KHDRBS2: variants seen among roughly 807,000 people sequenced by gnomAD.
KHDRBS2 encodes KH domain-containing, RNA-binding, signal transduction-associated protein 2.
KHDRBS2 carries 26 observed loss-of-function variants against 44.3 expected under a neutral mutation model. The observed-to-expected ratio is 0.59, with a 90% CI of 0.43 to 0.81. The LOEUF (loss-of-function observed/expected upper bound fraction) is 0.81. KHDRBS2 is among the 40% of genes least tolerant of loss of function. The pLI, the probability that KHDRBS2 is intolerant of heterozygous loss-of-function variation, is 0.00. For missense variants in KHDRBS2, 476 were observed against 433.1 expected (o/e 1.10, Z -0.88); for synonymous variants, 194 against 151.1 (o/e 1.28, Z -2.08).
At position 61,846,099 on chromosome 6, in the gene KHDRBS2, A is replaced by G. The variant is rs186090754; in HGVS notation, c.810+48536T>C. ...CATTTGGCCTTCCGCCCTGAGTAAA[A>G]GCTCCCTGAGGATTCCCCAAGAGCA... On this transcript the variant is annotated intron_variant, in intron 6 of 8. Transcript: ENST00000281156. Among the ~76,000 whole-genome samples the G allele has an allele frequency of 4.2e-3, 635 of 152,216 alleles. 8 individuals carry two copies. Among genetic ancestry groups the G allele is most frequent in the African/African-American group, 0.015 (610 of 41,530 alleles).
chr6:62,057,003 A>C (rs1017612945), intron 2 of KHDRBS2, among the ~76,000 whole-genome samples: 5 of 151,986 alleles, frequency 3.3e-5, no homozygotes, highest in Admixed American at 1.3e-4. Context: ...AAATTCTTTT[A>C]CACACTCTGT....
chr6:61,631,103 C>G, the KHDRBS2 span, among the ~76,000 whole-genome samples: 15 of 152,026 alleles, frequency 9.9e-5, no homozygotes, highest in East Asian at 2.1e-3. Context: ...CAGCCATTTA[C>G]TAGAAGAGAC....
chr6:61,583,389 G>A, the KHDRBS2 span, among the ~76,000 whole-genome samples: 1 of 151,654 alleles, frequency 6.6e-6, no homozygotes, highest in Non-Finnish European at 1.5e-5. Context: ...TGGACCTCTA[G>A]GATGTTTACA....
intron 4 of KHDRBS2, among the ~76,000 whole-genome samples, chr6:61,910,435 C>A (rs1805849438): frequency 6.6e-6 from 1 of 152,100 alleles, no homozygotes; most frequent in African/African-American, 2.4e-5. Context: ...ATCACAAAGT[C>A]AAAATGTTGT....
At chr6:61,929,679 C>T (rs1352660480) in intron 4 of KHDRBS2, among the ~76,000 whole-genome samples, 1 of 152,004 alleles carries the variant, frequency 6.6e-6, no homozygotes, top group Non-Finnish European at 1.5e-5. Context: ...TTATTAAGTT[C>T]CTGAAATATA....
chr6:62,120,149 T>C (rs1008260468), intron 2 of KHDRBS2, among the ~76,000 whole-genome samples: 3 of 152,216 alleles, frequency 2.0e-5, no homozygotes, highest in Admixed American at 6.5e-5. Flanking sequence ...AAAAAGGTTC[T>C]AATAGTTTAT....
chr6:62,054,623 T>C (rs576105615), intron 2 of KHDRBS2, among the ~76,000 whole-genome samples: 14 of 152,074 alleles, frequency 9.2e-5, no homozygotes, highest in South Asian at 8.3e-4. Flanking sequence ...GTGATGGCAA[T>C]AGCATGGGCT....
chr6:62,068,117 G>T (rs911074267), intron 2 of KHDRBS2, among the ~76,000 whole-genome samples: 39 of 151,486 alleles, frequency 2.6e-4, no homozygotes, highest in African/African-American at 8.9e-4. Context: ...GCATCCAATT[G>T]TTTTCCAAAG....
the KHDRBS2 span, among the ~76,000 whole-genome samples, chr6:61,587,428 C>G: frequency 6.6e-6 from 1 of 151,950 alleles, no homozygotes; most frequent in African/African-American, 2.4e-5. Flanking sequence ...AGCACATTTC[C>G]AGACCAACAG....
the KHDRBS2 span, among the ~76,000 whole-genome samples, chr6:61,654,979 G>A: frequency 6.6e-6 from 1 of 151,716 alleles, no homozygotes; most frequent in African/African-American, 2.4e-5. Context: ...ATCCTCATTG[G>A]CAGAAGCCAG....
At chr6:61,974,940 AT>A (rs1772234060) in intron 4 of KHDRBS2, among the ~76,000 whole-genome samples, 1 of 81,514 alleles carries the variant, frequency 1.2e-5, no homozygotes, top group African/African-American at 1.4e-4. Context: ...TAAAAAATAA[AT>A]AAATAAATAA....
Position 62,034,479 on chromosome 6 carries a change from G to C in KHDRBS2, c.336+13399C>G, listed in dbSNP as rs1403646005. Among the ~76,000 whole-genome samples the C allele has an allele frequency of 2.6e-5, 4 of 151,504 alleles. No individual in the cohort carries two copies. The Admixed American group carries it at 2.6e-4, about 10-fold the overall frequency. On this transcript the variant is annotated intron_variant, in intron 3 of 8. Transcript: ENST00000281156. ...TTAAAAAGATCATTCATCATGCAAGGATGGTTCAACACATGCAAATCAATC... is the reference window on the plus strand; with the variant it reads ...TTAAAAAGATCATTCATCATGCAAGCATGGTTCAACACATGCAAATCAATC...
At chr6:61,820,946 A>C (rs1360239624) in intron 6 of KHDRBS2, among the ~76,000 whole-genome samples, 1 of 152,026 alleles carries the variant, frequency 6.6e-6, no homozygotes, top group South Asian at 2.1e-4. Flanking sequence ...TGTTTCTTAC[A>C]TCTACTCTAA....
chr6:61,970,583 C>T (rs991000085), intron 4 of KHDRBS2, among the ~76,000 whole-genome samples: 13 of 152,090 alleles, frequency 8.5e-5, no homozygotes, highest in African/African-American at 2.9e-4. Flanking sequence ...GAACTCTGAA[C>T]ACATCGAAGA....
intron 3 of KHDRBS2, among the ~76,000 whole-genome samples, chr6:62,008,017 A>C (rs563621652): frequency 3.9e-5 from 6 of 152,326 alleles, no homozygotes; most frequent in African/African-American, 1.4e-4. Context: ...TCATATGTTA[A>C]AAAATGCCAA....
intron 6 of KHDRBS2, among the ~76,000 whole-genome samples, chr6:61,767,691 C>G (rs1780211349): frequency 6.6e-6 from 1 of 151,968 alleles, no homozygotes; most frequent in African/African-American, 2.4e-5. Flanking sequence ...CATCTTATAA[C>G]CAATTATTTT....
intron 4 of KHDRBS2, among the ~76,000 whole-genome samples, chr6:61,916,880 C>T (rs761393799): frequency 2.0e-5 from 3 of 151,092 alleles, no homozygotes; most frequent in Non-Finnish European, 3.0e-5. Flanking sequence ...AGTGAGACAC[C>T]ACTATGTACT....
chr6:61,565,708 G>A, the KHDRBS2 span, among the ~76,000 whole-genome samples: 1 of 152,082 alleles, frequency 6.6e-6, no homozygotes, highest in African/African-American at 2.4e-5. Flanking sequence ...CCTGTTGGTG[G>A]GAATGTAAAT....
At chr6:61,668,155 A>C in the KHDRBS2 span, among the ~76,000 whole-genome samples, 1 of 151,166 alleles carries the variant, frequency 6.6e-6, no homozygotes, top group East Asian at 2.0e-4. Flanking sequence ...CAGAACTCTT[A>C]AAATGTAGGT....
Sources: allele counts gnomAD v4.1 joint callset (sites outside exome capture counted in the v4.1 genomes callset), GRCh38; gene constraint gnomAD v4.1.1; transcripts MANE v1.5; gene names NCBI Gene and HGNC (gene_info 2026-07-23, HGNC 2026-07-21).